LEMD2: variants seen among roughly 807,000 people sequenced by gnomAD.
LEMD2 encodes the protein LEM domain nuclear envelope protein 2, also known as LEM domain-containing protein 2.
Under a neutral mutation model 58.8 loss-of-function variants are expected in LEMD2, and 34 were observed. That is an observed-to-expected ratio of 0.58 (90% confidence interval 0.44 to 0.77). The LOEUF is 0.77. Ranked by LOEUF, LEMD2 falls within the 30% of genes least tolerant of loss-of-function variation. LEMD2 has a pLI of 0.00. For missense variants in LEMD2, 629 were observed against 717.9 expected, an observed-to-expected ratio of 0.88 and a Z score of 1.42; for synonymous variants, 298 against 308.9, an observed-to-expected ratio of 0.96 and a Z score of 0.37.
At position 33,771,728 on chromosome 6, in the gene LEMD2, C is replaced by G. The variant is rs988150986; in HGVS notation, c.*900G>C. ...CTCTCCCGCCGCCAAGAGCCGCGGC[C>G]GGGGTAACAGAAACGCCGGCTGCGC... On this transcript the variant is annotated 3_prime_UTR_variant, in exon 9 of 9. Transcript: ENST00000293760. 6.6e-6 allele frequency: 1 copy of G among 152,220 alleles called. No individual in the cohort carries two copies. Among genetic ancestry groups the G allele is most frequent in the African/African-American group, 2.4e-5 (1 of 41,462 alleles). The allele number at this position is 152,220 out of a possible 1,614,324, so 9.4% of individuals were successfully genotyped here.
chr6:33,776,910 G>T, intron 8 of LEMD2, 44 bp downstream of exon 8: 1 of 1,506,550 alleles, frequency 6.6e-7, no homozygotes, highest in South Asian at 1.1e-5. Context: ...AGTGGGGTCG[G>T]ACCCCATCTT....
At chr6:33,781,560 G>A (rs1340053704) in intron 3 of LEMD2, 4 of 186,096 alleles carry the variant, frequency 2.1e-5, no homozygotes, top group South Asian at 2.2e-4. Flanking sequence ...ACAGGCAGGC[G>A]ACCTGGAATG....
At chr6:33,775,036 C>T (rs1306080494) in intron 8 of LEMD2, among the ~76,000 whole-genome samples, 2 of 152,220 alleles carry the variant, frequency 1.3e-5, no homozygotes, top group Non-Finnish European at 2.9e-5. Context: ...GCAGCGGGAT[C>T]ACCTGCATTT....
In LEMD2 at chr6:33,788,892, G is replaced by A; in HGVS notation, c.225C>T (p.Arg75=). ...EARLREDAPL[R]ARPAAASPRA... ...GCGGAGAGGCCGCGGCGGGCCGGGC[G>A]CGCAGCGGCGCATCCTCGCGTAACC... The change falls in exon 1 of 9, where the codon CGC becomes CGT. Residue 75 remains arginine, a synonymous_variant. Transcript: ENST00000293760. 1 of 1,387,358 alleles carries A rather than the reference G, an allele frequency of 7.2e-7. No homozygotes were observed. The highest frequency in any genetic ancestry group is 1.6e-5 in the South Asian group (1 of 61,736). The allele number at this position is 1,387,358 out of a possible 1,614,324, so 85.9% of individuals were successfully genotyped here.
chr6:33,777,718 C>T (rs144172431), intron 6 of LEMD2, among the ~76,000 whole-genome samples: 10 of 152,344 alleles, frequency 6.6e-5, no homozygotes, highest in Non-Finnish European at 1.3e-4. Flanking sequence ...CTTGGCCTTT[C>T]GCCTTCAGAG....
chr6:33,780,296 T>C lies in LEMD2; in HGVS notation c.931-117A>G, dbSNP rs149217781. 354 of 891,540 alleles carry C rather than the reference T, an allele frequency of 4.0e-4. 3 individuals carry two copies. The African/African-American group carries it at 5.0e-3, about 13-fold the overall frequency. 55.2% of individuals were successfully genotyped at this position (891,540 alleles called of 1,614,324 possible). On this transcript the variant is annotated intron_variant, in intron 4 of 8. Coordinates refer to ENST00000293760, the MANE Select transcript of LEMD2 (RefSeq NM_181336.4). Reference sequence around the variant, plus strand: ...TGTCCTCCACAGCCCCAAAACCCTGTTCTGCTAAAAGCACAGCAAAGTGGC... The same window carrying C: ...TGTCCTCCACAGCCCCAAAACCCTGCTCTGCTAAAAGCACAGCAAAGTGGC...
At chr6:33,784,477 G>GGGGGGGGGCCCCCCC in intron 2 of LEMD2, 50 bp from the exon 3 acceptor site, 6 of 430,750 alleles carry the variant, frequency 1.4e-5, no homozygotes, top group East Asian at 7.6e-5. Flanking sequence ...GGTGGGAGGG[G>GGGGGGGGGCCCCCCC]TCCGTCTGTC....
rs768780918 is a variant in LEMD2, at chr6:33,788,742, G to C, written c.375C>G (p.Arg125=). ...AGGCGCGGCGCCTGAGTTGCGCCGG[G>C]CGGGCAGGATAGGCGAGGCCGCGGC... is the stretch of plus-strand genomic sequence containing the variant. ...VGSRGLAYPA[R]PAQLRRRASV... is the part of the protein sequence containing the mutation. The change falls in exon 1 of 9, where the codon CGC becomes CGG. Residue 125 remains arginine, a synonymous_variant. Transcript: ENST00000293760. 2.1e-6 allele frequency: 3 copies of C among 1,435,932 alleles called. No homozygotes were observed. In the South Asian group the frequency reaches 4.1e-5, roughly 20 times the overall value. The allele number at this position is 1,435,932 out of a possible 1,614,324, so 88.9% of individuals were successfully genotyped here.
chr6:33,775,316 C>A (rs6927309), intron 8 of LEMD2, among the ~76,000 whole-genome samples: 2,444 of 152,202 alleles, frequency 0.016, 71 homozygotes, highest in African/African-American at 0.052. Context: ...TTAAGATGGA[C>A]CTTTTTTTTA....
intron 1 of LEMD2, chr6:33,787,016 G>T: frequency 1.2e-6 from 1 of 836,174 alleles, no homozygotes; most frequent in Non-Finnish European, 1.7e-6. Context: ...ATTAGCTCAA[G>T]TTTCTTGGGC....
chr6:33,785,205 C>A (rs1767649671), intron 2 of LEMD2, among the ~76,000 whole-genome samples: 1 of 152,182 alleles, frequency 6.6e-6, no homozygotes, highest in Non-Finnish European at 1.5e-5. Context: ...AAGAATAAGA[C>A]TTTCAGCAAG....
At position 33,772,633 on chromosome 6, in the gene LEMD2, G is replaced by T. The variant is rs771774908; in HGVS notation, c.1507C>A (p.Arg503=). 1.9e-6 allele frequency: 3 copies of T among 1,613,452 alleles called. No individual in the cohort carries two copies. Among genetic ancestry groups the T allele is most frequent in the Non-Finnish European group, 2.5e-6 (3 of 1,179,738 alleles). ...AACAAGTCCCCGCCCGGGGCTTATC[G>T]CTCTGAGTCAGAGAAGGAAGAGGGC... The part of the protein sequence containing the change: ...TKPSSFSDSE[R] The change falls in exon 9 of 9, where the codon CGA becomes AGA. Residue 503 remains arginine (R), a synonymous_variant. Coordinates refer to ENST00000293760, the MANE Select transcript of LEMD2 (RefSeq NM_181336.4).
chr6:33,784,499 C>G, intron 2 of LEMD2, 72 bp from the exon 3 acceptor site: 2 of 833,092 alleles, frequency 2.4e-6, no homozygotes, highest in Non-Finnish European at 2.0e-6. Context: ...ATCTTTACTT[C>G]TCCAGCCACA....
intron 2 of LEMD2, 63 bp from the exon 3 acceptor site, chr6:33,784,490 T>A: frequency 1.2e-6 from 1 of 826,934 alleles, no homozygotes; most frequent in East Asian, 2.7e-5. Context: ...CGTCTGTCCA[T>A]CTTTACTTCT....
At chr6:33,780,238 A>G in intron 4 of LEMD2, 59 bp from the exon 5 acceptor site, 1 of 1,400,238 alleles carries the variant, frequency 7.1e-7, no homozygotes, top group Non-Finnish European at 9.9e-7. Flanking sequence ...CTGGAACATT[A>G]TTCTGCTGCT....
intron 3 of LEMD2, among the ~76,000 whole-genome samples, chr6:33,783,557 C>A (rs1191073636): frequency 6.6e-6 from 1 of 152,240 alleles, no homozygotes; most frequent in Non-Finnish European, 1.5e-5. Flanking sequence ...ACAAGGCGCA[C>A]ATGCTGATAT....
chr6:33,777,067 G>C lies in LEMD2; in HGVS notation c.1259-11C>G, dbSNP rs1348677059. On this transcript the variant is annotated splice_polypyrimidine_tract_variant and intron_variant, in intron 7 of 8. Transcript: ENST00000293760. Reference sequence around the variant, plus strand: ...GGTCCTGGACCACGTCTGCAGGAGAGAGCACACCATTTAGGGCAAGGACCC... The same window carrying C: ...GGTCCTGGACCACGTCTGCAGGAGACAGCACACCATTTAGGGCAAGGACCC... 3 of 1,612,946 alleles carry C rather than the reference G, an allele frequency of 1.9e-6. No homozygotes were observed. Among genetic ancestry groups the C allele is most frequent in the African/African-American group, 1.3e-5 (1 of 75,032 alleles).
rs775448647 is a variant in LEMD2, at chr6:33,771,320, C to T, written c.*1308G>A. On this transcript the variant is annotated 3_prime_UTR_variant, in exon 9 of 9. Coordinates refer to ENST00000293760, the MANE Select transcript of LEMD2 (RefSeq NM_181336.4). ...CTGGAGCCTGATTATGAGAACATGGCCTCACCACGGGGCCAGCGCTCAGAT... is the reference window on the plus strand; with the variant it reads ...CTGGAGCCTGATTATGAGAACATGGTCTCACCACGGGGCCAGCGCTCAGAT... 6.6e-6 allele frequency: 1 copy of T among 152,046 alleles called. No homozygotes were observed. Among genetic ancestry groups the T allele is most frequent in the Non-Finnish European group, 1.5e-5 (1 of 68,050 alleles). The allele number at this position is 152,046 out of a possible 1,614,324, so 9.4% of individuals were successfully genotyped here.
In LEMD2 at chr6:33,772,449, A is replaced by C. The variant is rs1360381518; in HGVS notation, c.*179T>G. ...CTCCCCCTCCCTTTAAAGGAAGCCC[A>C]CATTTTCCTGCGAGCCGAACTCCTC... On this transcript the variant is annotated 3_prime_UTR_variant, in exon 9 of 9. Coordinates refer to ENST00000293760, the MANE Select transcript of LEMD2 (RefSeq NM_181336.4). 2 of 561,660 alleles carry C rather than the reference A, an allele frequency of 3.6e-6. No individual in the cohort carries two copies. The highest frequency in any genetic ancestry group is 6.1e-6 in the Non-Finnish European group (2 of 326,994). The allele number at this position is 561,660 out of a possible 1,614,324, so 34.8% of individuals were successfully genotyped here.
Sources: gnomAD v4.1 joint callset for allele counts (sites outside exome capture counted in the v4.1 genomes callset) on GRCh38, gnomAD v4.1.1 for gene constraint, MANE v1.5 for transcripts, NCBI Gene and HGNC (gene_info 2026-07-23, HGNC 2026-07-21) for gene names.